Variants in CSTA observed in about 807,000 individuals in gnomAD.
CSTA encodes the protein cystatin-A.
Under a neutral mutation model 9.2 loss-of-function variants are expected in CSTA, and 9 were observed. The ratio of observed to expected loss-of-function variants is 0.97; its 90% CI spans 0.59 to 1.70. CSTA has a LOEUF of 1.70. CSTA is among the 40% of genes most tolerant of loss of function. The pLI is 0.00. For missense variants in CSTA, 118 were observed against 113.1 expected (o/e 1.04, Z -0.20); for synonymous variants, 36 against 40.6 (o/e 0.89, Z 0.43).
chr3:122,329,415 C>CA (rs1182968912), intron 1 of CSTA, among the ~76,000 whole-genome samples: 7 of 151,746 alleles, frequency 4.6e-5, no homozygotes, highest in African/African-American at 9.7e-5. Context: ...CTCCAAAATA[C>CA]AAAAAAATAG....
At position 122,341,492 on chromosome 3, in the gene CSTA, C is replaced by G; in HGVS notation, c.222C>G (p.Pro74=). Residue 74 remains proline, a synonymous_variant, in exon 3 of 3, where the codon CCC becomes CCG. Transcript: ENST00000264474. ...ACTTGAAAGTATTCAAAAGTCTTCC[C>G]GGACAAAATGAGGACTTGGTACTTA... ...YMHLKVFKSL[P]GQNEDLVLTG... The G allele has an allele frequency of 6.2e-7, 1 of 1,613,876 alleles. No individual in the cohort carries two copies. Among genetic ancestry groups the G allele is most frequent in the Non-Finnish European group, 8.5e-7 (1 of 1,179,850 alleles).
intron 1 of CSTA, among the ~76,000 whole-genome samples, chr3:122,329,302 G>A (rs1339823735): frequency 6.6e-6 from 1 of 152,098 alleles, no homozygotes; most frequent in Non-Finnish European, 1.5e-5. Flanking sequence ...GGACTGGTGC[G>A]GTGGCTCTCG....
intron 1 of CSTA, among the ~76,000 whole-genome samples, chr3:122,334,187 A>T (rs1375952586): frequency 6.6e-6 from 1 of 152,152 alleles, no homozygotes; most frequent in Non-Finnish European, 1.5e-5. Flanking sequence ...TTGAAATTTC[A>T]TTTCCATCTC....
rs536536174 is a variant in CSTA, at chr3:122,329,560, T to A, written c.66+4202T>A. ...CAGCCTGGCCAACAAAGCGAGACTC[T>A]GTTTCAAAAAATAAATAAATAAATA... On this transcript the variant is annotated intron_variant, in intron 1 of 2. Coordinates refer to ENST00000264474, the MANE Select transcript of CSTA (RefSeq NM_005213.4). 3.3e-5 allele frequency among the ~76,000 whole-genome samples: 5 copies of A among 152,244 alleles called. No homozygotes were observed. The East Asian group carries it at 9.7e-4, about 30-fold the overall frequency.
chr3:122,338,900 G>T (rs1559982929), intron 2 of CSTA, among the ~76,000 whole-genome samples: 2 of 152,090 alleles, frequency 1.3e-5, no homozygotes, highest in Admixed American at 6.6e-5. Context: ...TTGAAAATTT[G>T]TTCCCTTGAC....
intron 1 of CSTA, among the ~76,000 whole-genome samples, chr3:122,333,574 A>AGAAAGAAAGAAAGAAG (rs2075217983): frequency 6.8e-6 from 1 of 147,644 alleles, no homozygotes; most frequent in African/African-American, 2.6e-5. Context: ...AAAGAAAGAA[A>AGAAAGAAAGAAAGAAG]GAAAGAAAGA....
chr3:122,326,004 C>T (rs2075168925), intron 1 of CSTA, among the ~76,000 whole-genome samples: 1 of 152,082 alleles, frequency 6.6e-6, no homozygotes, highest in South Asian at 2.1e-4. Context: ...TTTTTCACTT[C>T]TTCTTTTTTG....
At chr3:122,332,188 T>C (rs777819255) in intron 1 of CSTA, among the ~76,000 whole-genome samples, 18 of 152,140 alleles carry the variant, frequency 1.2e-4, no homozygotes, top group Non-Finnish European at 2.9e-5. Context: ...AGATCTCTGG[T>C]AAGAAAATGC....
Position 122,337,663 on chromosome 3 carries a change from C to A in CSTA, c.168+15C>A, listed in dbSNP as rs980196175. ...ACTACATTAAGGTTAGAGTTCAGCACCTACTTTAGCGCCAAAAGATGTATT... is the reference window on the plus strand; with the variant it reads ...ACTACATTAAGGTTAGAGTTCAGCAACTACTTTAGCGCCAAAAGATGTATT... On this transcript the variant is annotated intron_variant, in intron 2 of 2. Transcript: ENST00000264474. 1.5e-5 allele frequency: 22 copies of A among 1,442,706 alleles called. No homozygotes were observed. Among genetic ancestry groups the A allele is most frequent in the Non-Finnish European group, 2.1e-5 (21 of 1,023,056 alleles). The allele number at this position is 1,442,706 out of a possible 1,614,324, so 89.4% of individuals were successfully genotyped here. A position where few individuals can be genotyped will look rare whatever the true frequency, so the allele number is the denominator to read the frequency against.
intron 2 of CSTA, among the ~76,000 whole-genome samples, chr3:122,339,626 G>A (rs574544158): frequency 9.8e-5 from 15 of 152,336 alleles, no homozygotes; most frequent in African/African-American, 3.6e-4. Context: ...GCCAAGGTGG[G>A]AGGATAGCTT....
chr3:122,336,405 G>A (rs1263298747), intron 1 of CSTA, among the ~76,000 whole-genome samples: 1 of 152,146 alleles, frequency 6.6e-6, no homozygotes, highest in African/African-American at 2.4e-5. Flanking sequence ...GGGCATTTGA[G>A]TAACAAAATA....
At position 122,337,555 on chromosome 3, in the gene CSTA, A is replaced by G. The variant is rs752256655; in HGVS notation, c.75A>G (p.Pro25=). The G allele has an allele frequency of 3.1e-6, 5 of 1,608,332 alleles. No individual in the cohort carries two copies. The highest frequency in any genetic ancestry group is 4.3e-6 in the Non-Finnish European group (5 of 1,174,864). ...EIQEIVDKVK[P]QLEEKTNETY... ...TCTTTTCTTTTCTTTAGGTTAAACCACAGCTTGAAGAAAAAACAAATGAGA... is the reference window on the plus strand; with the variant it reads ...TCTTTTCTTTTCTTTAGGTTAAACCGCAGCTTGAAGAAAAAACAAATGAGA... The change falls in exon 2 of 3, where the codon CCA becomes CCG. Residue 25 remains proline, a synonymous_variant. Coordinates refer to ENST00000264474, the MANE Select transcript of CSTA (RefSeq NM_005213.4).
intron 1 of CSTA, among the ~76,000 whole-genome samples, chr3:122,332,741 C>T (rs2075211641): frequency 6.6e-6 from 1 of 152,212 alleles, no homozygotes; most frequent in Non-Finnish European, 1.5e-5. Context: ...ATTCCTTGAG[C>T]TCCCGTCACC....
intron 2 of CSTA, among the ~76,000 whole-genome samples, chr3:122,341,026 T>C (rs2107669354): frequency 6.6e-6 from 1 of 151,682 alleles, no homozygotes; most frequent in South Asian, 2.1e-4. Context: ...ACTGCAACCT[T>C]CTCCTCCTGG....
chr3:122,331,142 C>CAT (rs1326882623), intron 1 of CSTA, among the ~76,000 whole-genome samples: 90 of 151,350 alleles, frequency 5.9e-4, no homozygotes, highest in Non-Finnish European at 1.1e-3. Flanking sequence ...CACACACACA[C>CAT]ACTCCCCTTA....
At chr3:122,333,540 G>GAAAGAAAGA (rs1274127478) in intron 1 of CSTA, among the ~76,000 whole-genome samples, 3 of 112,078 alleles carry the variant, frequency 2.7e-5, no homozygotes, top group Non-Finnish European at 1.8e-5. Context: ...AGAAAAGAAA[G>GAAAGAAAGA]AAGAAAGAAA....
chr3:122,333,540 G>GAAGAAAGAAGGAAAGA (rs2075216490), intron 1 of CSTA, among the ~76,000 whole-genome samples: 1 of 112,078 alleles, frequency 8.9e-6, no homozygotes, highest in Non-Finnish European at 1.8e-5. Context: ...AGAAAAGAAA[G>GAAGAAAGAAGGAAAGA]AAGAAAGAAA....
intron 2 of CSTA, among the ~76,000 whole-genome samples, chr3:122,341,185 C>T (rs976039881): frequency 2.0e-5 from 3 of 152,116 alleles, no homozygotes; most frequent in African/African-American, 7.2e-5. Context: ...TCGTGATCCC[C>T]CTGCCTCAGC....
intron 1 of CSTA, among the ~76,000 whole-genome samples, chr3:122,325,691 C>T (rs2075166652): frequency 6.6e-6 from 1 of 152,212 alleles, no homozygotes; most frequent in South Asian, 2.1e-4. Context: ...TTTCTAATCT[C>T]ACCAAGTGAA....
Sources: allele counts gnomAD v4.1 joint callset (sites outside exome capture counted in the v4.1 genomes callset), GRCh38; gene constraint gnomAD v4.1.1; transcripts MANE v1.5; gene names NCBI Gene and HGNC (gene_info 2026-07-23, HGNC 2026-07-21).